Variants in DIMT1 observed in about 807,000 individuals in gnomAD.
DIMT1 encodes the protein DIM1 rRNA methyltransferase and ribosome maturation factor, also known as dimethyladenosine transferase.
In DIMT1, 36 loss-of-function variants were observed where a neutral mutation model predicts 43.2. The observed-to-expected ratio is 0.83, with a 90% CI of 0.64 to 1.10. DIMT1 has a LOEUF of 1.10. DIMT1 is among the 50% of genes least tolerant of loss of function. The pLI, the probability that DIMT1 is intolerant of heterozygous loss-of-function variation, is 0.00. For missense variants in DIMT1, 341 were observed against 385.3 expected (o/e 0.88, Z 0.96); for synonymous variants, 126 against 130.3 (o/e 0.97, Z 0.22).
Position 62,393,002 on chromosome 5 carries a change from G to A in DIMT1, c.664-12C>T. Reference sequence around the variant, plus strand: ...AGACCATCCCATTCCTGAAATAGAAGATAGACATTTTCTTCAAATTACAAA... The same window carrying A: ...AGACCATCCCATTCCTGAAATAGAAAATAGACATTTTCTTCAAATTACAAA... On this transcript the variant is annotated splice_polypyrimidine_tract_variant and intron_variant, in intron 8 of 11. Transcript: ENST00000199320. The A allele has an allele frequency of 6.3e-7, 1 of 1,590,400 alleles. No individual in the cohort carries two copies. The highest frequency in any genetic ancestry group is 8.6e-7 in the Non-Finnish European group (1 of 1,160,942).
Position 62,390,985 on chromosome 5 carries a change from A to C in DIMT1, c.793-3T>G. The C allele has an allele frequency of 2.5e-6, 4 of 1,610,064 alleles. No homozygotes were observed. The South Asian group carries it at 4.4e-5, about 18-fold the overall frequency. ...ATGCTGAAATCTTCTGGTATTATCT[A>C]TCAATATAAGATTCAGAATAAATGA... On this transcript the variant is annotated splice_polypyrimidine_tract_variant and splice_region_variant and intron_variant, in intron 10 of 11. Coordinates refer to ENST00000199320, the MANE Select transcript of DIMT1 (RefSeq NM_014473.4).
At position 62,394,586 on chromosome 5, in the gene DIMT1, TTGAAACATAAGTATAGCACACC is replaced by T; in HGVS notation, c.447-1_467del. On this transcript the variant is annotated splice_acceptor_variant and coding_sequence_variant, in exon 7 of 12. Coordinates refer to ENST00000199320, the MANE Select transcript of DIMT1 (RefSeq NM_014473.4). LOFTEE classifies it high-confidence loss of function. ...CAACCAGTCGGAGGGCAAATTCTCT[TTGAAACATAAGTATAGCACACC>T]TGAAAAGAAAGCAGAAAGGAATAAG... 1 of 1,614,196 alleles carries T rather than the reference TTGAAACATAAGTATAGCACACC, an allele frequency of 6.2e-7. No individual in the cohort carries two copies. Among genetic ancestry groups the T allele is most frequent in the South Asian group, 1.1e-5 (1 of 91,084 alleles).
intron 3 of DIMT1, among the ~76,000 whole-genome samples, chr5:62,400,187 A>G (rs1423949606): frequency 6.6e-6 from 1 of 152,226 alleles, no homozygotes; most frequent in Non-Finnish European, 1.5e-5. Flanking sequence ...ATGTCAAATA[A>G]GGCCGAAATT....
At chr5:62,398,787 G>C (rs573537339) in intron 4 of DIMT1, 33 bp downstream of exon 4, 2 of 1,613,518 alleles carry the variant, frequency 1.2e-6, no homozygotes, top group Admixed American at 1.7e-5. Context: ...TCATGAGATT[G>C]AAATGCACTT....
At chr5:62,401,493 TCCAAAAAAAAAAAA>T (rs1374007215) in intron 3 of DIMT1, among the ~76,000 whole-genome samples, 7 of 51,982 alleles carry the variant, frequency 1.3e-4, no homozygotes, top group African/African-American at 5.7e-4. Flanking sequence ...AAATTCCCTC[TCCAAAAAAAAAAAA>T]AAAAAAAAAA....
chr5:62,388,948 A>G lies in DIMT1; in HGVS notation c.*62T>C, dbSNP rs1580116448. 4.0e-6 allele frequency: 6 copies of G among 1,488,314 alleles called. No individual in the cohort carries two copies. In the East Asian group the frequency reaches 6.8e-5, roughly 17 times the overall value. The allele number at this position is 1,488,314 out of a possible 1,614,324, so 92.2% of individuals were successfully genotyped here. On this transcript the variant is annotated 3_prime_UTR_variant, in exon 12 of 12. Transcript: ENST00000199320. ...GTAAAGCAAAAGCATTATCTTCTCAAATACAAAAAATACAAAATTCATTTC... is the reference window on the plus strand; with the variant it reads ...GTAAAGCAAAAGCATTATCTTCTCAGATACAAAAAATACAAAATTCATTTC...
Position 62,388,845 on chromosome 5 carries a change from A to G in DIMT1, c.*165T>C. The G allele has an allele frequency of 1.5e-6, 1 of 662,674 alleles. No homozygotes were observed. 41.0% of individuals were successfully genotyped at this position (662,674 alleles called of 1,614,324 possible). A position where few individuals can be genotyped will look rare whatever the true frequency, so the allele number is the denominator to read the frequency against. On this transcript the variant is annotated 3_prime_UTR_variant, in exon 12 of 12. Transcript: ENST00000199320. ...AAAACTTTGATACTTAGAACTTTCCAACTTTAAAATTCAGAATCATAAATG... is the reference window on the plus strand; with the variant it reads ...AAAACTTTGATACTTAGAACTTTCCGACTTTAAAATTCAGAATCATAAATG...
chr5:62,403,688 C>A lies in DIMT1; in HGVS notation c.79+6G>T, dbSNP rs970220708. The stretch of plus-strand genomic sequence containing the variant: ...CCGACCCCAGCTTCCTCGCGGGGAT[C>A]CGCACCTCCAGCGCTCTTCAGCTCC... On this transcript the variant is annotated splice_donor_region_variant and intron_variant, in intron 1 of 11. Coordinates refer to ENST00000199320, the MANE Select transcript of DIMT1 (RefSeq NM_014473.4). 4 of 1,606,098 alleles carry A rather than the reference C, an allele frequency of 2.5e-6. No homozygotes were observed. In the African/African-American group the frequency reaches 5.3e-5, roughly 21 times the overall value.
chr5:62,399,019 A>G (rs1742603251), intron 3 of DIMT1, 138 bp from the exon 4 acceptor site: 2 of 759,020 alleles, frequency 2.6e-6, no homozygotes, highest in Admixed American at 5.5e-5. Flanking sequence ...CTTTAATTAT[A>G]CTCGCATACT....
rs1398411438 is a variant in DIMT1 at position 62,388,642 on chromosome 5, T to G, written c.*368A>C. 5.8e-6 allele frequency: 1 copy of G among 173,386 alleles called. No individual in the cohort carries two copies. The highest frequency in any genetic ancestry group is 2.4e-5 in the African/African-American group (1 of 42,246). The allele number at this position is 173,386 out of a possible 1,614,324, so 10.7% of individuals were successfully genotyped here. ...CTAGTGAAGCATATTTTAACTTTTTTATTACTGGAGGAACAGAGCTAAAGG... is the reference window on the plus strand; with the variant it reads ...CTAGTGAAGCATATTTTAACTTTTTGATTACTGGAGGAACAGAGCTAAAGG... On this transcript the variant is annotated 3_prime_UTR_variant, in exon 12 of 12. Transcript: ENST00000199320.
rs545462681 is a variant in DIMT1 at position 62,403,302 on chromosome 5, G to C, written c.124C>G (p.Pro42Ala). The stretch of plus-strand genomic sequence containing the variant: ...TCGATAATGCTGTTAATAATGAGAG[G>C]ATTTTTCAAAATGTGCTGCCCAATC... The part of the protein sequence containing the change: ...TGIGQHILKN[P>A]LIINSIIDKA... The change falls in exon 2 of 12, where the codon CCT becomes GCT. Residue 42 changes from proline (P) to alanine (A), a missense_variant. Pro to Ala is a conservative substitution (Grantham distance 27). Transcript: ENST00000199320. 23 of 1,613,888 alleles carry C rather than the reference G, an allele frequency of 1.4e-5. No homozygotes were observed. In the South Asian group the frequency reaches 2.5e-4, roughly 18 times the overall value.
At chr5:62,389,923 A>G (rs894111602) in intron 11 of DIMT1, among the ~76,000 whole-genome samples, 1 of 152,244 alleles carries the variant, frequency 6.6e-6, no homozygotes, top group Non-Finnish European at 1.5e-5. Flanking sequence ...TGGCCCATAG[A>G]AACAGGTCCA....
intron 6 of DIMT1, among the ~76,000 whole-genome samples, chr5:62,395,399 A>G (rs1262413352): frequency 6.6e-6 from 1 of 152,246 alleles, no homozygotes; most frequent in East Asian, 1.9e-4. Context: ...GAGTATCTTC[A>G]AAGCTACACT....
In DIMT1 at chr5:62,403,204, G is replaced by A. The variant is rs77256376; in HGVS notation, c.153+69C>T. 4.8e-3 allele frequency: 6,570 copies of A among 1,382,546 alleles called. 268 individuals are homozygous for A. In the African/African-American group the frequency reaches 0.081, roughly 17 times the overall value. The allele number at this position is 1,382,546 out of a possible 1,614,324, so 85.6% of individuals were successfully genotyped here. On this transcript the variant is annotated intron_variant, in intron 2 of 11. Transcript: ENST00000199320. The stretch of plus-strand genomic sequence containing the variant: ...CTAATTTACGGCAGGCAGACTTTCT[G>A]CGCTTATGTATTCATAGGAATAAAA...
At chr5:62,391,731 A>G (rs1742310881) in intron 10 of DIMT1, 11 of 1,335,416 alleles carry the variant, frequency 8.2e-6, no homozygotes, top group Non-Finnish European at 9.6e-6. Flanking sequence ...CTATTGAGCC[A>G]TATGAACTTT....
chr5:62,391,980 T>A (rs959301199), intron 10 of DIMT1, 191 bp downstream of exon 10: 2 of 1,540,154 alleles, frequency 1.3e-6, no homozygotes, highest in African/African-American at 2.7e-5. Context: ...CTCATATCTG[T>A]TTCACAGGAT....
chr5:62,396,589 T>C (rs1018756219), intron 6 of DIMT1, among the ~76,000 whole-genome samples: 1 of 152,008 alleles, frequency 6.6e-6, no homozygotes, highest in African/African-American at 2.4e-5. Context: ...TCTCGAAAAA[T>C]TGCCCTCGTC....
intron 3 of DIMT1, 30 bp downstream of exon 3, chr5:62,402,006 G>A (rs1742725675): frequency 6.3e-7 from 1 of 1,599,594 alleles, no homozygotes; most frequent in Non-Finnish European, 8.6e-7. Context: ...ATAGTCATTT[G>A]TGATACCAAA....
chr5:62,390,825 G>A, intron 11 of DIMT1, 51 bp downstream of exon 11: 3 of 1,439,368 alleles, frequency 2.1e-6, no homozygotes, highest in Non-Finnish European at 2.9e-6. Flanking sequence ...CCAATCTGAA[G>A]GTGTCACAGT....
Sources: gnomAD v4.1 joint callset for allele counts (sites outside exome capture counted in the v4.1 genomes callset) on GRCh38, gnomAD v4.1.1 for gene constraint, MANE v1.5 for transcripts, NCBI Gene and HGNC (gene_info 2026-07-23, HGNC 2026-07-21) for gene names.